PRR5: variants seen among roughly 807,000 people sequenced by gnomAD.
PRR5 encodes proline rich 5.
A neutral mutation model predicts 30.6 loss-of-function variants in PRR5; 25 were observed. The ratio of observed to expected loss-of-function variants is 0.82; its 90% confidence interval spans 0.60 to 1.14. The LOEUF is 1.14. Among genes scored for constraint, PRR5 ranks in the 50% most tolerant of loss-of-function variants. The pLI, the probability that PRR5 is intolerant of heterozygous loss-of-function variation, is 0.00. For missense variants in PRR5, 600 were observed against 547.1 expected (o/e 1.10, Z -0.96); for synonymous variants, 286 against 247.1 (o/e 1.16, Z -1.48).
intron 1 of PRR5, among the ~76,000 whole-genome samples, chr22:44,678,936 G>C (rs988880618): frequency 6.6e-6 from 1 of 152,324 alleles, no homozygotes; most frequent in African/African-American, 2.4e-5. Context: ...ACCTGCGTTA[G>C]GGGACAGGAG....
At position 44,737,320 on chromosome 22, in the gene PRR5, A is replaced by G. The variant is rs1923467672; in HGVS notation, c.*73A>G. ...GGGGTGTCCATGTGGCGTGTGTGTG[A>G]GTGAGACTTTTTTACTGCGTCCCGT... On this transcript the variant is annotated 3_prime_UTR_variant, in exon 8 of 8. Coordinates refer to ENST00000336985, the MANE Select transcript of PRR5 (RefSeq NM_181333.4). 2 of 1,515,624 alleles carry G rather than the reference A, an allele frequency of 1.3e-6. No individual in the cohort carries two copies. The highest frequency in any genetic ancestry group is 1.8e-6 in the Non-Finnish European group (2 of 1,131,770). The allele number at this position is 1,515,624 out of a possible 1,614,324, so 93.9% of individuals were successfully genotyped here.
At chr22:44,688,952 C>T (rs1175476915) in intron 1 of PRR5, among the ~76,000 whole-genome samples, 1 of 152,316 alleles carries the variant, frequency 6.6e-6, no homozygotes, top group East Asian at 1.9e-4. Context: ...CACTCCACCG[C>T]ACTCCAGCTA....
chr22:44,690,320 A>G (rs1463493169), intron 1 of PRR5, among the ~76,000 whole-genome samples: 1 of 152,102 alleles, frequency 6.6e-6, no homozygotes, highest in Non-Finnish European at 1.5e-5. Flanking sequence ...GATGGAGGAG[A>G]CAAGCACAGT....
rs542265916 is a variant in PRR5, at chr22:44,678,771, G to A, written c.-11+1531G>A. 3.3e-3 allele frequency among the ~76,000 whole-genome samples: 496 copies of A among 152,320 alleles called. 2 individuals are homozygous for A. Among genetic ancestry groups the A allele is most frequent in the Non-Finnish European group, 5.4e-3 (367 of 68,036 alleles). ...TTTGGGCCAGCGCTTGTCATACAGA[G>A]CTTCTCTGCCCTGTTCCCAGGTCTC... is the stretch of plus-strand genomic sequence containing the variant. On this transcript the variant is annotated intron_variant, in intron 1 of 8. Transcript: ENST00000006251.
At chr22:44,672,501 T>C (rs767256124), upstream of PRR5, among the ~76,000 whole-genome samples, 3 of 152,134 alleles carry the variant, frequency 2.0e-5, no homozygotes, top group Non-Finnish European at 2.9e-5. Flanking sequence ...GGAGAATTGC[T>C]TGAACCCAGG....
chr22:44,675,757 C>CTGTTGT (rs5845661), upstream of PRR5, among the ~76,000 whole-genome samples: 1 of 96,354 alleles, frequency 1.0e-5, no homozygotes, highest in African/African-American at 3.8e-5. Context: ...GTTACTGTTG[C>CTGTTGT]TGTTGTTATT....
chr22:44,731,742 T>C lies in PRR5; in HGVS notation c.335T>C (p.Leu112Pro). Reference sequence around the variant, plus strand: ...CCCATGCCCACAGGACAGAAGCTGCTGGACTCACTGGCAGAGACCTGGGAC... The same window carrying C: ...CCCATGCCCACAGGACAGAAGCTGCCGGACTCACTGGCAGAGACCTGGGAC... Reference protein sequence around the residue: ...KIRFYEGQKLLDSLAETWDFF... With the variant: ...KIRFYEGQKLPDSLAETWDFF... Residue 112 changes from leucine to proline, a missense_variant, in exon 5 of 8, where the codon CTG becomes CCG. Physicochemically the swap from Leu to Pro is moderately conservative, Grantham distance 98 (BLOSUM62 -3). Coordinates refer to ENST00000336985, the MANE Select transcript of PRR5 (RefSeq NM_181333.4). The C allele has an allele frequency of 1.2e-6, 2 of 1,613,796 alleles. No homozygotes were observed. Among genetic ancestry groups the C allele is most frequent in the South Asian group, 1.1e-5 (1 of 91,088 alleles).
upstream of PRR5, among the ~76,000 whole-genome samples, chr22:44,700,990 C>T (rs1926218809): frequency 6.6e-6 from 1 of 152,190 alleles, no homozygotes; most frequent in African/African-American, 2.4e-5. Flanking sequence ...TCAAGCGATT[C>T]TCCTGTCTCA....
chr22:44,732,252 G>A lies in PRR5; in HGVS notation c.416G>A (p.Gly139Asp). ...GGGTGGGGTGCCTTCCGTCCACAGG[G>A]CAAGGAGCCATCGGTGCGCCAGCTG... ...MLQAIFYPVQ[G>D]KEPSVRQLAL... Residue 139 changes from glycine to aspartate, a missense_variant and splice_region_variant, in exon 6 of 8, where the codon GGC (glycine) becomes GAC (aspartate). Transcript: ENST00000336985. 1.2e-6 allele frequency: 2 copies of A among 1,611,340 alleles called. No individual in the cohort carries two copies. The highest frequency in any genetic ancestry group is 1.7e-6 in the Non-Finnish European group (2 of 1,179,828).
upstream of PRR5, among the ~76,000 whole-genome samples, chr22:44,672,940 G>A (rs990387568): frequency 2.0e-5 from 3 of 152,228 alleles, no homozygotes; most frequent in Admixed American, 6.5e-5. Context: ...CACAGCATGC[G>A]CGAAGGTCAG....
chr22:44,676,436 G>GAAGAAAAGAA (rs140568938), upstream of PRR5, among the ~76,000 whole-genome samples: 6 of 143,604 alleles, frequency 4.2e-5, no homozygotes, highest in Non-Finnish European at 7.6e-5. Flanking sequence ...AAAGAGAAGA[G>GAAGAAAAGAA]AAGAAAAGAA....
intron 1 of PRR5, among the ~76,000 whole-genome samples, chr22:44,688,402 C>G (rs566744219): frequency 6.6e-6 from 1 of 152,198 alleles, no homozygotes; most frequent in East Asian, 2.0e-4. Flanking sequence ...AAAATATTTC[C>G]TGCAATGTTA....
Position 44,737,092 on chromosome 22 carries a change from A to G in PRR5, c.1012A>G (p.Ser338Gly). 1 of 1,611,726 alleles carries G rather than the reference A, an allele frequency of 6.2e-7. No homozygotes were observed. The stretch of plus-strand genomic sequence containing the variant: ...TGAGCAGGGCTTGGATCCCACCCGC[A>G]GCTCCCTGCCCCGCTCCAGCCCGGA... ...PPEQGLDPTRSSLPRSSPENL... is the reference protein window; with the variant it reads ...PPEQGLDPTRGSLPRSSPENL... The change falls in exon 8 of 8, where the codon AGC becomes GGC. Residue 338 changes from serine (S) to glycine (G), a missense_variant. Physicochemically the swap from Ser to Gly is moderately conservative, Grantham distance 56. Transcript: ENST00000336985.
chr22:44,719,891 G>A (rs187285842), intron 2 of PRR5, among the ~76,000 whole-genome samples: 41 of 152,350 alleles, frequency 2.7e-4, no homozygotes, highest in African/African-American at 9.6e-4. Flanking sequence ...TGGATGGGAT[G>A]TCCCAGCCTC....
chr22:44,673,279 G>A (rs1923528923), upstream of PRR5, among the ~76,000 whole-genome samples: 3 of 152,186 alleles, frequency 2.0e-5, no homozygotes, highest in African/African-American at 7.2e-5. Context: ...GTTACTCTCC[G>A]TGCCTCAGTT....
Position 44,691,451 on chromosome 22 carries a change from C to G in PRR5, c.-10-11041C>G, listed in dbSNP as rs1237303864. Reference sequence around the variant, plus strand: ...TGCCCTAGACTCAGTGCCCCTGGCACGCCTGGAGCTGACTCCTCCTGCCCC... The same window carrying G: ...TGCCCTAGACTCAGTGCCCCTGGCAGGCCTGGAGCTGACTCCTCCTGCCCC... On this transcript the variant is annotated intron_variant, in intron 1 of 8. Transcript: ENST00000006251. This position sits in a 1 kb window ranked among gnomAD's most constrained non-coding sequence, Gnocchi z 4.4. Among the ~76,000 whole-genome samples, 1 of 152,172 alleles carries G rather than the reference C, an allele frequency of 6.6e-6. No individual in the cohort carries two copies. Among genetic ancestry groups the G allele is most frequent in the Non-Finnish European group, 1.5e-5 (1 of 68,022 alleles).
At chr22:44,726,879 GC>G (rs998736565) in intron 4 of PRR5, among the ~76,000 whole-genome samples, 2 of 152,194 alleles carry the variant, frequency 1.3e-5, no homozygotes, top group African/African-American at 2.4e-5. Flanking sequence ...TCGGGGAAAA[GC>G]CCCCTGCTTC....
At chr22:44,673,991 T>C (rs1923568563), upstream of PRR5, among the ~76,000 whole-genome samples, 1 of 152,178 alleles carries the variant, frequency 6.6e-6, no homozygotes, top group Non-Finnish European at 1.5e-5. Flanking sequence ...ATCGCCATAT[T>C]GGACAGAGTC....
intron 1 of PRR5, among the ~76,000 whole-genome samples, chr22:44,703,299 C>T (rs1926660579): frequency 6.6e-6 from 1 of 152,090 alleles, no homozygotes; most frequent in South Asian, 2.1e-4. Context: ...GAAAGTGAGG[C>T]AGGCTGTTCG....
Sources: gnomAD v4.1 joint callset for allele counts (sites outside exome capture counted in the v4.1 genomes callset) on GRCh38, gnomAD v4.1.1 for gene constraint, Gnocchi (gnomAD v3.1) non-coding constraint, MANE v1.5 for transcripts, NCBI Gene and HGNC (gene_info 2026-07-23, HGNC 2026-07-21) for gene names.